Variants in BRD7 observed in about 807,000 individuals in gnomAD.
BRD7 encodes the protein bromodomain containing 7.
BRD7 carries 15 observed loss-of-function variants against 82.1 expected under a neutral mutation model. That is an observed-to-expected ratio of 0.18 (90% CI 0.12 to 0.28). BRD7 has a LOEUF of 0.28. Ranked by LOEUF, BRD7 falls within the 10% of genes least tolerant of loss-of-function variation. BRD7 has a pLI of 1.00. For missense variants in BRD7, 638 were observed against 779.9 expected, an observed-to-expected ratio of 0.82 and a Z score of 2.17; for synonymous variants, 232 against 266.9, an observed-to-expected ratio of 0.87 and a Z score of 1.27.
At chr16:50,350,498 C>T (rs902092253) in intron 4 of BRD7, among the ~76,000 whole-genome samples, 6 of 152,148 alleles carry the variant, frequency 3.9e-5, no homozygotes, top group Non-Finnish European at 7.4e-5. Flanking sequence ...GGGAGATTAG[C>T]ACTGCATATT....
intron 5 of BRD7, among the ~76,000 whole-genome samples, chr16:50,341,088 T>C (rs764449551): frequency 6.6e-6 from 1 of 152,040 alleles, no homozygotes; most frequent in East Asian, 1.9e-4. Context: ...ATGAAGTATA[T>C]GTGGATCTTC....
At chr16:50,345,807 C>T (rs114898626) in intron 5 of BRD7, among the ~76,000 whole-genome samples, 2,412 of 152,238 alleles carry the variant, frequency 0.016, 57 homozygotes, top group African/African-American at 0.054. Context: ...TAGACTCACA[C>T]GCAATAATAA....
intron 2 of BRD7, among the ~76,000 whole-genome samples, chr16:50,366,012 T>C (rs1392370468): frequency 6.6e-6 from 1 of 152,098 alleles, no homozygotes; most frequent in Non-Finnish European, 1.5e-5. Flanking sequence ...AGTTAGCAAA[T>C]ACTGGTCATA....
At chr16:50,350,966 T>C (rs867309502) in intron 4 of BRD7, among the ~76,000 whole-genome samples, 1 of 152,208 alleles carries the variant, frequency 6.6e-6, no homozygotes, top group African/African-American at 2.4e-5. Context: ...ATTTGAATAT[T>C]TGGCATTTGT....
chr16:50,334,822 C>T lies in BRD7; in HGVS notation c.776G>A (p.Gly259Glu), dbSNP rs1473913542. 3.1e-6 allele frequency: 5 copies of T among 1,614,144 alleles called. No homozygotes were observed. The highest frequency in any genetic ancestry group is 1.1e-5 in the South Asian group (1 of 91,082). The change falls in exon 7 of 17, where the codon GGA (glycine) becomes GAA (glutamate). Residue 259 changes from glycine (G) to glutamate (E), a missense_variant. By Grantham distance (98) the Gly-to-Glu change is moderately conservative (BLOSUM62 -2). This residue lies in a region of BRD7 where 402 missense variants were observed against 500.8 expected (regional missense o/e 0.80). Coordinates refer to ENST00000394688, the MANE Select transcript of BRD7 (RefSeq NM_013263.5). ...CTCCCCACTCTGTGAGGTGTCTGTTCCATCTTTCTGCTTTCGAGTTTTCTG... is the reference window on the plus strand; with the variant it reads ...CTCCCCACTCTGTGAGGTGTCTGTTTCATCTTTCTGCTTTCGAGTTTTCTG... ...DLQKTRKQKD[G>E]TDTSQSGEDG...
intron 2 of BRD7, among the ~76,000 whole-genome samples, chr16:50,364,572 C>T (rs13334400): frequency 0.37 from 56,212 of 152,022 alleles, 12,025 homozygotes; most frequent in Middle Eastern, 0.49. Context: ...TGGATATGAA[C>T]CCATTTTAGG....
At chr16:50,319,385 C>T (rs1597014664) in intron 16 of BRD7, 119 bp from the exon 17 acceptor site, 7 of 864,704 alleles carry the variant, frequency 8.1e-6, no homozygotes, top group Non-Finnish European at 1.3e-5. Context: ...TTCACCACAT[C>T]CAAGGCTGAA....
intron 6 of BRD7, among the ~76,000 whole-genome samples, chr16:50,339,248 A>G (rs112628526): frequency 2.3e-4 from 35 of 152,312 alleles, no homozygotes; most frequent in African/African-American, 5.1e-4. Context: ...TCATTTGTAT[A>G]TAGTCACATG....
chr16:50,320,324 C>T lies in BRD7; in HGVS notation c.1680G>A (p.Gln560=), dbSNP rs751773053. The T allele has an allele frequency of 6.2e-7, 1 of 1,614,170 alleles. No individual in the cohort carries two copies. The highest frequency in any genetic ancestry group is 1.1e-5 in the South Asian group (1 of 91,078). The change falls in exon 15 of 17, where the codon CAG becomes CAA. Residue 560 remains glutamine (Q), a synonymous_variant. Transcript: ENST00000394688. ...GGGGTCTGGTGCTCAAACGTTCATT[C>T]TGGGCTTCCTGGAGTTCCCTGAGCA... ...TRLLRELQEA[Q]NERLSTRPPP...
At chr16:50,367,020 T>A (rs935343400) in intron 2 of BRD7, among the ~76,000 whole-genome samples, 1 of 152,164 alleles carries the variant, frequency 6.6e-6, no homozygotes, top group South Asian at 2.1e-4. Context: ...AGGGAAGGAA[T>A]AGACTTAAGA....
chr16:50,335,022 T>C (rs1349300345), intron 6 of BRD7, 127 bp from the exon 7 acceptor site: 1 of 920,306 alleles, frequency 1.1e-6, no homozygotes, highest in East Asian at 2.7e-5. Context: ...TTAAATGTAA[T>C]CATATACCAA....
intron 6 of BRD7, among the ~76,000 whole-genome samples, chr16:50,336,124 CA>C (rs2037787842): frequency 6.6e-6 from 1 of 152,082 alleles, no homozygotes; most frequent in Non-Finnish European, 1.5e-5. Flanking sequence ...ATTTCCTCTC[CA>C]TATCAATAGA....
chr16:50,360,313 T>C (rs187509536), intron 2 of BRD7, among the ~76,000 whole-genome samples: 15 of 152,368 alleles, frequency 9.8e-5, no homozygotes, highest in Admixed American at 7.2e-4. Flanking sequence ...TAGTAATAAG[T>C]ACTGTCCTTC....
At chr16:50,319,647 A>G (rs1287729370) in intron 16 of BRD7, among the ~76,000 whole-genome samples, 1 of 152,240 alleles carries the variant, frequency 6.6e-6, no homozygotes, top group Non-Finnish European at 1.5e-5. Context: ...TATAAAAAAT[A>G]CAGTCTATTA....
chr16:50,368,006 CCAGATA>C, intron 2 of BRD7, 78 bp downstream of exon 2: 2 of 1,401,296 alleles, frequency 1.4e-6, no homozygotes, highest in South Asian at 1.2e-5. Context: ...TTTGTTTTCC[CCAGATA>C]CAAAGAAAAT....
At chr16:50,351,783 G>A (rs541476740) in intron 4 of BRD7, among the ~76,000 whole-genome samples, 2 of 152,014 alleles carry the variant, frequency 1.3e-5, no homozygotes, top group East Asian at 1.9e-4. Flanking sequence ...GTGATGTTTC[G>A]ACACATATAT....
At chr16:50,328,555 G>C in intron 9 of BRD7, 114 bp downstream of exon 9, 1 of 815,694 alleles carries the variant, frequency 1.2e-6, no homozygotes. Context: ...GATCCTTTGT[G>C]CATAATGACA....
rs533289803 is a variant in BRD7, at chr16:50,339,824, A to G, written c.702+152T>C. The G allele has an allele frequency of 7.5e-6, 3 of 398,666 alleles. No homozygotes were observed. In the South Asian group the frequency reaches 3.0e-4, roughly 40 times the overall value. 24.7% of individuals were successfully genotyped at this position (398,666 alleles called of 1,614,324 possible). ...TCTTAATTTTCTTCTCTTTATTAAA[A>G]TTTTTTTCATTTAGTATTTTCTACT... On this transcript the variant is annotated intron_variant, in intron 6 of 16. Transcript: ENST00000394688.
At chr16:50,366,045 T>C (rs117398839) in intron 2 of BRD7, among the ~76,000 whole-genome samples, 154 of 152,288 alleles carry the variant, frequency 1.0e-3, no homozygotes, top group Admixed American at 4.6e-3. Context: ...AGAATCAGAA[T>C]GGCAACAGAC....
Sources: allele counts gnomAD v4.1 joint callset (sites outside exome capture counted in the v4.1 genomes callset), GRCh38; gene constraint gnomAD v4.1.1; regional missense constraint gnomAD v4.1.1; transcripts MANE v1.5; gene names NCBI Gene and HGNC (gene_info 2026-07-23, HGNC 2026-07-21).